The following E2F7 variants were observed in gnomAD, a reference collection of about 807,000 sequenced individuals.
The protein encoded by E2F7 is transcription factor E2F7.
In E2F7, 35 loss-of-function variants were observed where a neutral mutation model predicts 81.1. The observed-to-expected ratio is 0.43, with a 90% CI of 0.33 to 0.57. E2F7 has a LOEUF of 0.57. E2F7 is among the 20% of genes least tolerant of loss of function. The pLI is 0.04. For missense variants in E2F7, 961 were observed against 1,093.7 expected (o/e 0.88, Z 1.71); for synonymous variants, 416 against 416.2 (o/e 1.00, Z 0.01).
In E2F7 at chr12:77,044,815, A is replaced by G. The variant is rs1370663269; in HGVS notation, c.830-20T>C. ...CAGATGCTACACAAGGAATGAAACA[A>G]AAGCATCAAAGTATATGATTTTCTA... On this transcript the variant is annotated intron_variant, in intron 5 of 12. Transcript: ENST00000322886. 6.2e-7 allele frequency: 1 copy of G among 1,610,410 alleles called. No homozygotes were observed. Among genetic ancestry groups the G allele is most frequent in the Non-Finnish European group, 8.5e-7 (1 of 1,178,460 alleles).
At position 77,021,461 on chromosome 12, in the gene E2F7, A is replaced by G. The variant is rs1292673360; in HGVS notation, c.*2554T>C. 2 of 152,632 alleles carry G rather than the reference A, an allele frequency of 1.3e-5. No homozygotes were observed. The highest frequency in any genetic ancestry group is 2.9e-5 in the Non-Finnish European group (2 of 68,038). The allele number at this position is 152,632 out of a possible 1,614,324, so 9.5% of individuals were successfully genotyped here. ...ATAAAATTAATACCTACATACAACT[A>G]GCAGTGCAATAAGATAAGCAGAAAG... On this transcript the variant is annotated 3_prime_UTR_variant, in exon 13 of 13. Transcript: ENST00000322886.
intron 2 of E2F7, among the ~76,000 whole-genome samples, chr12:77,058,425 C>G (rs1245898183): frequency 6.6e-6 from 1 of 152,104 alleles, no homozygotes; most frequent in African/African-American, 2.4e-5. Context: ...GAAGGCAGAA[C>G]TTTCTGAAAT....
chr12:77,030,479 C>T, intron 9 of E2F7, 147 bp from the exon 10 acceptor site: 1 of 1,023,556 alleles, frequency 9.8e-7, no homozygotes, highest in Non-Finnish European at 1.4e-6. Flanking sequence ...CGTGTTAGCT[C>T]ATCCCAGAGT....
intron 9 of E2F7, 87 bp from the exon 10 acceptor site, chr12:77,030,419 AG>A: frequency 6.8e-7 from 1 of 1,465,340 alleles, no homozygotes; most frequent in Non-Finnish European, 9.1e-7. Context: ...TGCCAAATCA[AG>A]AATGAGATAA....
chr12:77,024,307 C>T, intron 12 of E2F7, 122 bp from the exon 13 acceptor site: 1 of 1,071,550 alleles, frequency 9.3e-7, no homozygotes, highest in Non-Finnish European at 1.3e-6. Context: ...TTCTTCTTTG[C>T]TTTCTTATCA....
intron 6 of E2F7, chr12:77,044,372 C>A (rs1954921695): frequency 3.6e-6 from 2 of 553,814 alleles, no homozygotes; most frequent in Admixed American, 2.4e-5. Flanking sequence ...ATAATTCACA[C>A]CCTCCCTGAC....
chr12:77,036,318 T>C (rs891957822), intron 7 of E2F7, among the ~76,000 whole-genome samples: 3 of 152,218 alleles, frequency 2.0e-5, no homozygotes, highest in East Asian at 1.9e-4. Context: ...AGGATGATGG[T>C]TGATTCCCTG....
intron 6 of E2F7, chr12:77,044,201 T>C (rs1164305608): frequency 2.3e-6 from 1 of 441,174 alleles, no homozygotes; most frequent in Non-Finnish European, 4.6e-6. Context: ...TCTCTCCCTG[T>C]CCATGTCCCA....
intron 2 of E2F7, among the ~76,000 whole-genome samples, chr12:77,059,880 G>C (rs943212790): frequency 4.0e-5 from 6 of 149,818 alleles, no homozygotes; most frequent in African/African-American, 1.5e-4. Flanking sequence ...GGAGAATAGC[G>C]TGAACCCAGG....
At chr12:77,050,511 G>A in intron 4 of E2F7, 65 bp downstream of exon 4, 1 of 1,569,546 alleles carries the variant, frequency 6.4e-7, no homozygotes, top group East Asian at 2.3e-5. Flanking sequence ...CCTTCAGCCT[G>A]CCCAAGGAAA....
At chr12:77,035,801 G>A (rs925696873) in intron 7 of E2F7, among the ~76,000 whole-genome samples, 7 of 152,028 alleles carry the variant, frequency 4.6e-5, no homozygotes, top group Admixed American at 6.6e-5. Context: ...ACATATACTA[G>A]TATTGCATAC....
At chr12:77,046,418 A>C in intron 4 of E2F7, 90 bp from the exon 5 acceptor site, 1 of 1,392,472 alleles carries the variant, frequency 7.2e-7, no homozygotes, top group Non-Finnish European at 9.6e-7. Context: ...TCTGTGAACT[A>C]CTTTGTCTGA....
At chr12:77,042,954 G>GTT (rs1409464084) in intron 7 of E2F7, 111 bp downstream of exon 7, 28 of 1,520,510 alleles carry the variant, frequency 1.8e-5, no homozygotes, top group Admixed American at 5.3e-5. Context: ...AGTCTATTTT[G>GTT]TATGTGACAT....
Position 77,030,149 on chromosome 12 carries a change from C to T in E2F7, c.1566G>A (p.Val522=), listed in dbSNP as rs1954794174. The part of the protein sequence containing the change: ...FSMQNGLNGQ[V]DVSLASAASA... Reference sequence around the variant, plus strand: ...AGGCTGCAGAAGCAAGTGAGACATCCACTTGTCCATTCAGACCGTTCTGCA... The same window carrying T: ...AGGCTGCAGAAGCAAGTGAGACATCTACTTGTCCATTCAGACCGTTCTGCA... Residue 522 remains valine, a synonymous_variant, in exon 10 of 13, where the codon GTG becomes GTA. Transcript: ENST00000322886. 6.2e-7 allele frequency: 1 copy of T among 1,614,068 alleles called. No homozygotes were observed. The highest frequency in any genetic ancestry group is 1.3e-5 in the African/African-American group (1 of 74,930).
chr12:77,034,685 T>C (rs1954834264), intron 7 of E2F7, among the ~76,000 whole-genome samples: 1 of 152,234 alleles, frequency 6.6e-6, no homozygotes, highest in Admixed American at 6.5e-5. Flanking sequence ...CAACTTTCTA[T>C]ATAGACTGAG....
rs1324565812 is a variant in E2F7, at chr12:77,030,306, A to C, written c.1409T>G (p.Val470Gly). Residue 470 changes from valine (V) to glycine (G), a missense_variant, in exon 10 of 13, where the codon GTG (valine) becomes GGG (glycine). This residue lies in a region of E2F7 where 587 missense variants were observed against 620.3 expected (regional missense o/e 0.95). Transcript: ENST00000322886. Reference sequence around the variant, plus strand: ...GTCCAAGCTGCTTGATGGAGGCACCACTCTCTTACTGGCAAAGGCTTTTCC... The same window carrying C: ...GTCCAAGCTGCTTGATGGAGGCACCCCTCTCTTACTGGCAAAGGCTTTTCC... The part of the protein sequence containing the change: ...SQGKAFASKR[V>G]VPPSSSLDPV... 6.4e-7 allele frequency: 1 copy of C among 1,559,154 alleles called. No individual in the cohort carries two copies. Among genetic ancestry groups the C allele is most frequent in the Non-Finnish European group, 8.7e-7 (1 of 1,152,508 alleles).
intron 7 of E2F7, among the ~76,000 whole-genome samples, chr12:77,039,231 C>G (rs1214459414): frequency 6.6e-6 from 1 of 152,146 alleles, no homozygotes; most frequent in Non-Finnish European, 1.5e-5. Flanking sequence ...CATGTGTGAT[C>G]TTGTGTTAGG....
At chr12:77,031,207 T>C (rs1375976827) in intron 9 of E2F7, among the ~76,000 whole-genome samples, 1 of 151,582 alleles carries the variant, frequency 6.6e-6, no homozygotes, top group East Asian at 2.0e-4. Context: ...TGGGTGACCC[T>C]GTCTCTAAAA....
intron 4 of E2F7, among the ~76,000 whole-genome samples, chr12:77,047,849 T>G (rs1336180944): frequency 1.3e-5 from 2 of 152,206 alleles, no homozygotes; most frequent in Non-Finnish European, 2.9e-5. Context: ...ACTGCCTGCT[T>G]CTTTATTCCA....
Sources: allele counts gnomAD v4.1 joint callset (sites outside exome capture counted in the v4.1 genomes callset), GRCh38; gene constraint gnomAD v4.1.1; regional missense constraint gnomAD v4.1.1; transcripts MANE v1.5; gene names NCBI Gene and HGNC (gene_info 2026-07-23, HGNC 2026-07-21).